Variants in BAALC observed in about 807,000 individuals in gnomAD.
BAALC encodes the protein brain and acute leukemia cytoplasmic protein.
In BAALC, 9 loss-of-function variants were observed where a neutral mutation model predicts 15.5. That is an observed-to-expected ratio of 0.58 (90% CI 0.35 to 1.02). The LOEUF (loss-of-function observed/expected upper bound fraction) is 1.02. Ranked by LOEUF, BAALC falls within the 50% of genes least tolerant of loss-of-function variation. BAALC has a pLI of 0.02. For synonymous variants in BAALC, 80 were observed against 74.6 expected (o/e 1.07, Z -0.37); for missense variants, 201 against 192.4 (o/e 1.04, Z -0.27).
intron 2 of BAALC, among the ~76,000 whole-genome samples, chr8:103,217,388 G>A (rs150084360): frequency 2.0e-5 from 3 of 152,258 alleles, no homozygotes; most frequent in African/African-American, 7.2e-5. Context: ...CAACACTCAG[G>A]CAGGCTCTCA....
chr8:103,211,379 G>A (rs1391656325), intron 1 of BAALC, among the ~76,000 whole-genome samples: 1 of 152,092 alleles, frequency 6.6e-6, no homozygotes, highest in African/African-American at 2.4e-5. Context: ...CTTCTCTATT[G>A]AGGGTTTTTT....
chr8:103,184,369 T>C (rs1294401945), intron 1 of BAALC, among the ~76,000 whole-genome samples: 1 of 152,250 alleles, frequency 6.6e-6, no homozygotes, highest in Non-Finnish European at 1.5e-5. Flanking sequence ...CTTCCTACCA[T>C]GTCACCAGAG....
At chr8:103,221,066 G>A (rs1346904680) in intron 2 of BAALC, among the ~76,000 whole-genome samples, 1 of 152,180 alleles carries the variant, frequency 6.6e-6, no homozygotes, top group African/African-American at 2.4e-5. Flanking sequence ...GTCTCCAGGA[G>A]CAGCCAAGCT....
In BAALC at chr8:103,154,037, C is replaced by T. The variant is rs189660755; in HGVS notation, c.160+12980C>T. Among the ~76,000 whole-genome samples, 3 of 152,290 alleles carry T rather than the reference C, an allele frequency of 2.0e-5. No individual in the cohort carries two copies. In the East Asian group the frequency reaches 5.8e-4, roughly 29 times the overall value. ...CCGAGGCCTCATTAAACGATTACCT[C>T]CAAGAATCACTTTTCAAGGGCAGTC... On this transcript the variant is annotated intron_variant, in intron 1 of 2. Coordinates refer to ENST00000309982, the MANE Select transcript of BAALC (RefSeq NM_024812.3).
chr8:103,192,154 C>T (rs1012563076), intron 1 of BAALC, among the ~76,000 whole-genome samples: 3 of 152,178 alleles, frequency 2.0e-5, no homozygotes, highest in East Asian at 1.9e-4. Flanking sequence ...CGGGTTCAAG[C>T]GATTCTCCTG....
intron 1 of BAALC, among the ~76,000 whole-genome samples, chr8:103,211,805 C>T (rs916264620): frequency 6.6e-6 from 1 of 152,344 alleles, no homozygotes; most frequent in East Asian, 1.9e-4. Flanking sequence ...CCTGAGAGCA[C>T]TGCCCTTCTC....
At chr8:103,212,803 T>C (rs1812477088) in intron 1 of BAALC, 116 bp from the exon 2 acceptor site, 3 of 1,125,676 alleles carry the variant, frequency 2.7e-6, no homozygotes, top group Non-Finnish European at 3.7e-6. Context: ...CATGGTGGGA[T>C]TTCTGGCAAC....
chr8:103,226,092 GA>G (rs1350631823), intron 2 of BAALC, among the ~76,000 whole-genome samples: 2 of 152,204 alleles, frequency 1.3e-5, no homozygotes, highest in Non-Finnish European at 2.9e-5. Context: ...CTCATGCCTG[GA>G]GGGGTGTTCC....
At chr8:103,218,671 C>T (rs982698641) in intron 2 of BAALC, among the ~76,000 whole-genome samples, 1 of 152,090 alleles carries the variant, frequency 6.6e-6, no homozygotes, top group Admixed American at 6.5e-5. Context: ...CCAGGGAACC[C>T]TCCTGTCTTC....
intron 2 of BAALC, among the ~76,000 whole-genome samples, chr8:103,214,111 T>C (rs1812509118): frequency 6.6e-6 from 1 of 152,186 alleles, no homozygotes; most frequent in Non-Finnish European, 1.5e-5. Context: ...TCATGGTTCA[T>C]GGCTCTTCAC....
chr8:103,229,358 C>T lies in BAALC; in HGVS notation c.*1259C>T, dbSNP rs1186891056. 1.3e-5 allele frequency: 2 copies of T among 152,154 alleles called. No individual in the cohort carries two copies. The highest frequency in any genetic ancestry group is 1.5e-5 in the Non-Finnish European group (1 of 68,014). 9.4% of individuals were successfully genotyped at this position (152,154 alleles called of 1,614,324 possible). A position where few individuals can be genotyped will look rare whatever the true frequency, so the allele number is the denominator to read the frequency against. ...TTCCATGTTTAGCAGAAATAGGCAG[C>T]CTATTGGTGTTATGTTTATGTAACA... is the stretch of plus-strand genomic sequence containing the variant. On this transcript the variant is annotated 3_prime_UTR_variant, in exon 3 of 3. Transcript: ENST00000309982.
intron 1 of BAALC, among the ~76,000 whole-genome samples, chr8:103,185,516 C>A (rs1811815556): frequency 6.6e-6 from 1 of 152,192 alleles, no homozygotes; most frequent in Non-Finnish European, 1.5e-5. Flanking sequence ...ATAAAGATAT[C>A]AACATCATTC....
Position 103,230,025 on chromosome 8 carries a change from ATGT to A in BAALC, c.*1931_*1933del, listed in dbSNP as rs1329018007. Reference sequence around the variant, plus strand: ...TGTTTCTGCATCAGTTCACTGCTGCATGTTGTTTGGAATTTATCACCTTAAGAA... The same window carrying A: ...TGTTTCTGCATCAGTTCACTGCTGCATGTTTGGAATTTATCACCTTAAGAA... On this transcript the variant is annotated 3_prime_UTR_variant, in exon 3 of 3. Coordinates refer to ENST00000309982, the MANE Select transcript of BAALC (RefSeq NM_024812.3). 6.6e-6 allele frequency: 1 copy of A among 152,178 alleles called. No individual in the cohort carries two copies. The highest frequency in any genetic ancestry group is 1.5e-5 in the Non-Finnish European group (1 of 68,032). 9.4% of individuals were successfully genotyped at this position (152,178 alleles called of 1,614,324 possible). A position where few individuals can be genotyped will look rare whatever the true frequency, so the allele number is the denominator to read the frequency against.
intron 1 of BAALC, among the ~76,000 whole-genome samples, chr8:103,191,858 A>G (rs553613252): frequency 6.6e-6 from 1 of 152,288 alleles, no homozygotes; most frequent in South Asian, 2.1e-4. Context: ...TTGTTTCCCA[A>G]GCTACCCAGG....
chr8:103,186,743 C>T (rs1811846767), intron 1 of BAALC, among the ~76,000 whole-genome samples: 1 of 152,172 alleles, frequency 6.6e-6, no homozygotes, highest in Admixed American at 6.5e-5. Context: ...TTAAACAGTG[C>T]TTTCTGGAGT....
intron 1 of BAALC, among the ~76,000 whole-genome samples, chr8:103,169,626 A>G (rs1586393767): frequency 6.6e-6 from 1 of 152,216 alleles, no homozygotes; most frequent in African/African-American, 2.4e-5. Flanking sequence ...GGGAGTGATC[A>G]GATTCCACTG....
Position 103,211,511 on chromosome 8 carries a change from A to G in BAALC, c.161-1408A>G, listed in dbSNP as rs536614512. 1.7e-4 allele frequency among the ~76,000 whole-genome samples: 26 copies of G among 152,280 alleles called. 1 individual carries two copies. In the South Asian group the frequency reaches 3.1e-3, roughly 18 times the overall value. On this transcript the variant is annotated intron_variant, in intron 1 of 2. Transcript: ENST00000309982. ...AGCAGATTGACTATACTTATTGAAA[A>G]TTCTTTTCTGAATACCATATTAACT...
chr8:103,216,406 A>C (rs1458611455), intron 2 of BAALC, among the ~76,000 whole-genome samples: 1 of 152,256 alleles, frequency 6.6e-6, no homozygotes, highest in Non-Finnish European at 1.5e-5. Flanking sequence ...TTATGGAACA[A>C]AAGAATTAAA....
At chr8:103,225,898 G>A (rs1812798067) in intron 2 of BAALC, among the ~76,000 whole-genome samples, 1 of 152,140 alleles carries the variant, frequency 6.6e-6, no homozygotes, top group Non-Finnish European at 1.5e-5. Context: ...AAGGACACAG[G>A]ATTTATGTGA....
Sources: allele counts gnomAD v4.1 joint callset (sites outside exome capture counted in the v4.1 genomes callset), GRCh38; gene constraint gnomAD v4.1.1; transcripts MANE v1.5; gene names NCBI Gene and HGNC (gene_info 2026-07-23, HGNC 2026-07-21).